Variants in PLPPR1 observed in about 807,000 individuals in gnomAD.
PLPPR1 encodes the protein phospholipid phosphatase-related protein type 1.
PLPPR1 carries 10 observed loss-of-function variants against 33.1 expected under a neutral mutation model. The ratio of observed to expected loss-of-function variants is 0.30; its 90% CI spans 0.19 to 0.51. The LOEUF (loss-of-function observed/expected upper bound fraction) is 0.51, where lower values mean the gene tolerates loss of function less well. Among genes scored for constraint, PLPPR1 ranks in the 20% least tolerant of loss-of-function variants. The pLI, the probability that PLPPR1 is intolerant of heterozygous loss-of-function variation, is 0.97. For synonymous variants in PLPPR1, 151 were observed against 151.0 expected (o/e 1.00, Z 0.00); for missense variants, 304 against 408.1 (o/e 0.74, Z 2.20).
At chr9:101,293,362 T>C (rs932239876) in intron 4 of PLPPR1, among the ~76,000 whole-genome samples, 33 of 151,774 alleles carry the variant, frequency 2.2e-4, no homozygotes, top group African/African-American at 6.3e-4. Context: ...TGGGAGACTT[T>C]AACACCCCAC....
At chr9:101,165,399 T>G (rs1825840331) in intron 1 of PLPPR1, among the ~76,000 whole-genome samples, 1 of 152,202 alleles carries the variant, frequency 6.6e-6, no homozygotes, top group South Asian at 2.1e-4. Context: ...TGAGAAGGCT[T>G]CATGGCAGGG....
intron 2 of PLPPR1, among the ~76,000 whole-genome samples, chr9:101,207,602 C>A (rs1246918549): frequency 6.6e-6 from 1 of 152,092 alleles, no homozygotes; most frequent in South Asian, 2.1e-4. Context: ...GTCAGCTCCC[C>A]TTACGAGGCT....
chr9:101,055,415 G>A (rs1830268521), intron 1 of PLPPR1, among the ~76,000 whole-genome samples: 1 of 152,074 alleles, frequency 6.6e-6, no homozygotes, highest in Non-Finnish European at 1.5e-5. Flanking sequence ...TGAGACAGTT[G>A]GTTTTATCTT....
intron 1 of PLPPR1, among the ~76,000 whole-genome samples, chr9:101,174,240 C>A (rs1404688309): frequency 6.6e-6 from 1 of 152,114 alleles, no homozygotes; most frequent in Non-Finnish European, 1.5e-5. Context: ...TCGAAGGGTA[C>A]AATTTTTGGT....
intron 2 of PLPPR1, among the ~76,000 whole-genome samples, chr9:101,245,553 AG>A (rs1165433624): frequency 1.3e-4 from 19 of 151,974 alleles, no homozygotes; most frequent in African/African-American, 4.6e-4. Context: ...TGATATATCT[AG>A]GTATCTATTT....
intron 2 of PLPPR1, among the ~76,000 whole-genome samples, chr9:101,257,921 G>A (rs950591093): frequency 1.9e-4 from 29 of 152,150 alleles, no homozygotes; most frequent in African/African-American, 7.0e-4. Flanking sequence ...GGGTTTTAAT[G>A]TGGATATTAT....
intron 1 of PLPPR1, among the ~76,000 whole-genome samples, chr9:101,108,220 G>T (rs553986593): frequency 6.6e-6 from 1 of 152,190 alleles, no homozygotes; most frequent in East Asian, 1.9e-4. Context: ...CATGTTTTTG[G>T]AAATAATAAT....
In PLPPR1 at chr9:101,120,342, G is replaced by A. The variant is rs544361619; in HGVS notation, c.-45-65108G>A. Among the ~76,000 whole-genome samples the A allele has an allele frequency of 2.6e-5, 4 of 152,284 alleles. No homozygotes were observed. The East Asian group carries it at 7.7e-4, about 29-fold the overall frequency. On this transcript the variant is annotated intron_variant, in intron 1 of 7. Transcript: ENST00000374874. ...CATTAGGCTTTGCAACTTATTTCAA[G>A]GAAAGATAACATTTGGATGTCCACA...
chr9:101,167,807 CA>C (rs1394495809), intron 1 of PLPPR1, among the ~76,000 whole-genome samples: 1 of 152,152 alleles, frequency 6.6e-6, no homozygotes, highest in African/African-American at 2.4e-5. Flanking sequence ...CCAGCTCTTG[CA>C]TCATTCTTGT....
chr9:101,133,855 G>A (rs377326093), intron 1 of PLPPR1, among the ~76,000 whole-genome samples: 128 of 152,274 alleles, frequency 8.4e-4, no homozygotes, highest in Middle Eastern at 6.8e-3. Context: ...CCAGGTGCAA[G>A]TCCCAGCTCC....
intron 6 of PLPPR1, among the ~76,000 whole-genome samples, chr9:101,313,859 T>C (rs1253458657): frequency 3.3e-5 from 5 of 152,250 alleles, no homozygotes; most frequent in Non-Finnish European, 7.3e-5. Flanking sequence ...GGTGATCTTC[T>C]GTCATTCTAT....
chr9:101,126,503 G>A (rs192436953), intron 1 of PLPPR1, among the ~76,000 whole-genome samples: 1 of 152,310 alleles, frequency 6.6e-6, no homozygotes, highest in Admixed American at 6.5e-5. Flanking sequence ...GTTGCCGTTT[G>A]TAAGGGCACT....
At chr9:101,167,409 A>G (rs1391883776) in intron 1 of PLPPR1, among the ~76,000 whole-genome samples, 1 of 151,160 alleles carries the variant, frequency 6.6e-6, no homozygotes, top group Non-Finnish European at 1.5e-5. Context: ...GCTGTCTAAT[A>G]TACTGGAACC....
chr9:101,176,974 C>G (rs1488747036), intron 1 of PLPPR1, among the ~76,000 whole-genome samples: 1 of 152,160 alleles, frequency 6.6e-6, no homozygotes, highest in East Asian at 1.9e-4. Context: ...ATCTTTGAAA[C>G]AAATGAAAAA....
intron 1 of PLPPR1, among the ~76,000 whole-genome samples, chr9:101,091,686 A>G (rs1462617302): frequency 6.6e-6 from 1 of 152,148 alleles, no homozygotes; most frequent in African/African-American, 2.4e-5. Flanking sequence ...CCTTTTCTGT[A>G]TAACCTAGTA....
At chr9:101,144,056 C>T (rs139328602) in intron 1 of PLPPR1, among the ~76,000 whole-genome samples, 1 of 152,262 alleles carries the variant, frequency 6.6e-6, no homozygotes, top group Non-Finnish European at 1.5e-5. Context: ...GAAAATGTGG[C>T]ACACATATAC....
At chr9:101,082,370 A>G (rs974245378) in intron 1 of PLPPR1, among the ~76,000 whole-genome samples, 14 of 151,764 alleles carry the variant, frequency 9.2e-5, no homozygotes, top group Admixed American at 9.2e-4. Flanking sequence ...GGTGAGAGTG[A>G]GGGGGTGTTG....
At chr9:101,304,378 T>C (rs1014258994) in intron 4 of PLPPR1, among the ~76,000 whole-genome samples, 1 of 152,232 alleles carries the variant, frequency 6.6e-6, no homozygotes, top group Non-Finnish European at 1.5e-5. Flanking sequence ...AATTATCTGT[T>C]AAATGTTTAC....
At chr9:101,267,456 A>G (rs1828018368) in intron 2 of PLPPR1, among the ~76,000 whole-genome samples, 1 of 152,082 alleles carries the variant, frequency 6.6e-6, no homozygotes, top group Admixed American at 6.5e-5. Flanking sequence ...CCAATAAACA[A>G]CTCCAAGCAT....
Sources: gnomAD v4.1 joint callset for allele counts (sites outside exome capture counted in the v4.1 genomes callset) on GRCh38, gnomAD v4.1.1 for gene constraint, MANE v1.5 for transcripts, NCBI Gene and HGNC (gene_info 2026-07-23, HGNC 2026-07-21) for gene names.